CCDC6: variants seen among roughly 807,000 people sequenced by gnomAD.
The protein encoded by CCDC6 is coiled-coil domain-containing protein 6.
In CCDC6, 20 loss-of-function variants were observed where a neutral mutation model predicts 56.6. The observed-to-expected ratio is 0.35, with a 90% confidence interval of 0.25 to 0.51. The LOEUF (loss-of-function observed/expected upper bound fraction) is 0.51. CCDC6 is among the 20% of genes least tolerant of loss of function. The probability of loss-of-function intolerance (pLI) is 0.95; values close to 1 mark genes in which losing one functional copy is unlikely to be tolerated. For missense variants in CCDC6, 367 were observed against 601.1 expected, an observed-to-expected ratio of 0.61 and a Z score of 4.07; for synonymous variants, 241 against 234.4, an observed-to-expected ratio of 1.03 and a Z score of -0.26.
chr10:59,816,086 G>C (rs572853843), intron 3 of CCDC6, among the ~76,000 whole-genome samples: 40 of 152,250 alleles, frequency 2.6e-4, no homozygotes, highest in African/African-American at 9.4e-4. Context: ...AGCTCACAGA[G>C]AGCAAAAGAC....
chr10:59,836,783 A>G (rs1300522863), intron 2 of CCDC6, among the ~76,000 whole-genome samples: 1 of 152,246 alleles, frequency 6.6e-6, no homozygotes, highest in Non-Finnish European at 1.5e-5. Flanking sequence ...TCAGAATCAC[A>G]TAACAATGAT....
intron 7 of CCDC6, among the ~76,000 whole-genome samples, chr10:59,797,476 C>A (rs373929616): frequency 1.3e-5 from 2 of 148,938 alleles, no homozygotes; most frequent in Non-Finnish European, 3.0e-5. Context: ...TGGAGAAAAT[C>A]GAGCAAAGGA....
chr10:59,876,100 G>A (rs369998585), intron 1 of CCDC6, among the ~76,000 whole-genome samples: 16 of 19,504 alleles, frequency 8.2e-4, no homozygotes, highest in African/African-American at 2.5e-3. Flanking sequence ...TTCAGATCGA[G>A]TCTCGTTCTA....
intron 1 of CCDC6, among the ~76,000 whole-genome samples, chr10:59,875,386 G>T (rs2071269962): frequency 6.6e-6 from 1 of 152,192 alleles, no homozygotes; most frequent in Non-Finnish European, 1.5e-5. Context: ...ACTGAACCAG[G>T]AAAGATTTGG....
At position 59,906,238 on chromosome 10, in the gene CCDC6, G is replaced by A; in HGVS notation, c.187C>T (p.Leu63=). The part of the protein sequence containing the change: ...PFRLEELTNR[L]ASLQQENKVL... ...TTGTTCTCTTGCTGCAGCGAGGCCA[G>A]GCGGTTGGTGAGCTCCTCCAGGCGG... Residue 63 remains leucine, a synonymous_variant, in exon 1 of 9, where the codon CTG becomes TTG. Transcript: ENST00000263102. 1 of 1,613,508 alleles carries A rather than the reference G, an allele frequency of 6.2e-7. No individual in the cohort carries two copies. The highest frequency in any genetic ancestry group is 8.5e-7 in the Non-Finnish European group (1 of 1,179,836).
intron 2 of CCDC6, among the ~76,000 whole-genome samples, chr10:59,845,235 T>C (rs533293910): frequency 2.0e-5 from 3 of 152,266 alleles, no homozygotes; most frequent in African/African-American, 7.2e-5. Flanking sequence ...TAATTATTTT[T>C]ATCTTTCTTT....
intron 1 of CCDC6, among the ~76,000 whole-genome samples, chr10:59,883,027 G>GA (rs76814920): frequency 0.25 from 37,045 of 149,928 alleles, 5,447 homozygotes; most frequent in African/African-American, 0.42. Flanking sequence ...GACTTTAACT[G>GA]AAAAAAAAAG....
intron 3 of CCDC6, among the ~76,000 whole-genome samples, chr10:59,821,779 G>C (rs1396817160): frequency 1.5e-5 from 2 of 137,880 alleles, no homozygotes; most frequent in African/African-American, 5.3e-5. Context: ...ACAGGAAAAA[G>C]GAGAAATACG....
At chr10:59,840,099 C>T (rs1255455526) in intron 2 of CCDC6, among the ~76,000 whole-genome samples, 4 of 152,194 alleles carry the variant, frequency 2.6e-5, no homozygotes, top group African/African-American at 9.7e-5. Context: ...GCTGGGATTA[C>T]AGGCATGAGC....
At chr10:59,834,713 G>C (rs186306491) in intron 2 of CCDC6, among the ~76,000 whole-genome samples, 96 of 152,268 alleles carry the variant, frequency 6.3e-4, no homozygotes, top group African/African-American at 2.2e-3. Context: ...GGACCCAAGA[G>C]AAAAGCAGGT....
Position 59,792,737 on chromosome 10 carries a change from G to A in CCDC6, c.*180C>T. 1.3e-6 allele frequency: 1 copy of A among 789,888 alleles called. No individual in the cohort carries two copies. The highest frequency in any genetic ancestry group is 2.3e-6 in the Non-Finnish European group (1 of 440,294). 48.9% of individuals were successfully genotyped at this position (789,888 alleles called of 1,614,324 possible). A position where few individuals can be genotyped will look rare whatever the true frequency, so the allele number is the denominator to read the frequency against. On this transcript the variant is annotated 3_prime_UTR_variant, in exon 9 of 9. Coordinates refer to ENST00000263102, the MANE Select transcript of CCDC6 (RefSeq NM_005436.5). Reference sequence around the variant, plus strand: ...TGGAAAAAGTCGTCTGGTTAGTGTTGTAGACCCACAACACTGGCTGCATTT... The same window carrying A: ...TGGAAAAAGTCGTCTGGTTAGTGTTATAGACCCACAACACTGGCTGCATTT...
intron 5 of CCDC6, among the ~76,000 whole-genome samples, chr10:59,809,156 C>T (rs2070652154): frequency 6.6e-6 from 1 of 152,182 alleles, no homozygotes; most frequent in Non-Finnish European, 1.5e-5. Flanking sequence ...GGAGTATTTG[C>T]TGTTTCTAGA....
intron 1 of CCDC6, among the ~76,000 whole-genome samples, chr10:59,893,497 C>T (rs968213442): frequency 6.6e-5 from 10 of 152,046 alleles, no homozygotes; most frequent in African/African-American, 2.4e-4. Flanking sequence ...CTCAGCAATT[C>T]AGGAGGCTGA....
At chr10:59,874,503 C>T (rs561152078) in intron 1 of CCDC6, among the ~76,000 whole-genome samples, 1 of 152,312 alleles carries the variant, frequency 6.6e-6, no homozygotes, top group South Asian at 2.1e-4. Context: ...AACAATACTC[C>T]TATTCTGCCA....
At chr10:59,851,562 T>C (rs9664183) in intron 2 of CCDC6, among the ~76,000 whole-genome samples, 64,709 of 151,988 alleles carry the variant, frequency 0.43, 13,976 homozygotes, top group African/African-American at 0.47. Context: ...ACATTAAAGT[T>C]GCTACATCAG....
intron 4 of CCDC6, among the ~76,000 whole-genome samples, chr10:59,813,952 G>A (rs1331242068): frequency 2.0e-5 from 3 of 152,134 alleles, no homozygotes; most frequent in African/African-American, 4.8e-5. Flanking sequence ...TCTTGGTGAA[G>A]TAGATTAATG....
Position 59,812,914 on chromosome 10 carries a change from G to A in CCDC6, c.687-119C>T, listed in dbSNP as rs993405980. 7.4e-6 allele frequency: 5 copies of A among 677,378 alleles called. No individual in the cohort carries two copies. The African/African-American group carries it at 9.1e-5, about 12-fold the overall frequency. The allele number at this position is 677,378 out of a possible 1,614,324, so 42.0% of individuals were successfully genotyped here. A position where few individuals can be genotyped will look rare whatever the true frequency, so the allele number is the denominator to read the frequency against. Reference sequence around the variant, plus strand: ...CTCCTGTTTACTGCCAGAATTCACAGGGTTGCTTAATTCCTCTGCCCATTT... The same window carrying A: ...CTCCTGTTTACTGCCAGAATTCACAAGGTTGCTTAATTCCTCTGCCCATTT... On this transcript the variant is annotated intron_variant, in intron 4 of 8. Transcript: ENST00000263102.
In CCDC6 at chr10:59,881,209, C is replaced by A. The variant is rs186046833; in HGVS notation, c.303+24913G>T. On this transcript the variant is annotated intron_variant, in intron 1 of 8. Coordinates refer to ENST00000263102, the MANE Select transcript of CCDC6 (RefSeq NM_005436.5). Reference sequence around the variant, plus strand: ...ACAGATGTCACCACTTCCTACCACTCACCACTGTTCCTGGGCCCCTGATAC... The same window carrying A: ...ACAGATGTCACCACTTCCTACCACTAACCACTGTTCCTGGGCCCCTGATAC... Among the ~76,000 whole-genome samples the A allele has an allele frequency of 2.3e-4, 35 of 152,266 alleles. 1 individual carries two copies. The highest frequency in any genetic ancestry group is 9.8e-4 in the Admixed American group (15 of 15,300).
At chr10:59,874,206 T>C (rs1396485671) in intron 1 of CCDC6, among the ~76,000 whole-genome samples, 1 of 151,626 alleles carries the variant, frequency 6.6e-6, no homozygotes, top group Non-Finnish European at 1.5e-5. Context: ...AAAACTATAA[T>C]GAGACAGGAC....
Sources: gnomAD v4.1 joint callset for allele counts (sites outside exome capture counted in the v4.1 genomes callset) on GRCh38, gnomAD v4.1.1 for gene constraint, MANE v1.5 for transcripts, NCBI Gene and HGNC (gene_info 2026-07-23, HGNC 2026-07-21) for gene names.